PUM3: variants seen among roughly 807,000 people sequenced by gnomAD.
The protein encoded by PUM3 is pumilio homolog 3.
PUM3 carries 91 observed loss-of-function variants against 84.0 expected under a neutral mutation model. The observed-to-expected ratio is 1.08, with a 90% CI of 0.91 to 1.29. The LOEUF (loss-of-function observed/expected upper bound fraction) is 1.29. PUM3 is among the 50% of genes most tolerant of loss of function. The probability of loss-of-function intolerance (pLI) is 0.00; values close to 1 mark genes in which losing one functional copy is unlikely to be tolerated. For missense variants in PUM3, 1,067 were observed against 767.5 expected (o/e 1.39, Z -4.61); for synonymous variants, 321 against 266.7 (o/e 1.20, Z -1.98).
chr9:2,814,788 T>G (rs536399817), intron 13 of PUM3, among the ~76,000 whole-genome samples: 15 of 152,336 alleles, frequency 9.8e-5, no homozygotes, highest in Non-Finnish European at 1.6e-4. Context: ...CCTTTAAAAA[T>G]TTGTTTTTTT....
intron 17 of PUM3, 27 bp downstream of exon 17, chr9:2,807,787 T>G (rs768556694): frequency 6.8e-7 from 1 of 1,463,468 alleles, no homozygotes; most frequent in African/African-American, 1.4e-5. Context: ...CAGGCCCTGC[T>G]CAGAGAAGGG....
At chr9:2,838,317 T>C in intron 2 of PUM3, 109 bp downstream of exon 2, 1 of 764,286 alleles carries the variant, frequency 1.3e-6, no homozygotes. Context: ...TACTTCTTCC[T>C]ACTATTTTAA....
chr9:2,819,892 A>C, intron 13 of PUM3, 126 bp downstream of exon 13: 1 of 533,166 alleles, frequency 1.9e-6, no homozygotes. Context: ...TTAACTTAAA[A>C]GTAAGCAAAA....
intron 13 of PUM3, among the ~76,000 whole-genome samples, chr9:2,816,478 C>A (rs1381329034): frequency 6.6e-6 from 1 of 152,182 alleles, no homozygotes; most frequent in African/African-American, 2.4e-5. Context: ...TTAACTGTAT[C>A]CTTCAAAATG....
intron 13 of PUM3, among the ~76,000 whole-genome samples, chr9:2,812,831 T>G (rs539483697): frequency 6.6e-6 from 1 of 152,222 alleles, no homozygotes; most frequent in Non-Finnish European, 1.5e-5. Context: ...CAGTATTTCT[T>G]GGGCCACTAT....
chr9:2,834,799 C>T (rs533827109), intron 3 of PUM3, among the ~76,000 whole-genome samples: 2 of 151,136 alleles, frequency 1.3e-5, no homozygotes, highest in South Asian at 2.1e-4. Context: ...TTTCCAAGTT[C>T]GCCACAAACA....
chr9:2,826,986 A>C (rs1198499679), intron 10 of PUM3, 87 bp downstream of exon 10: 1 of 989,094 alleles, frequency 1.0e-6, no homozygotes, highest in African/African-American at 1.7e-5. Context: ...AAATTTCCAC[A>C]AGACAACGTA....
intron 17 of PUM3, among the ~76,000 whole-genome samples, chr9:2,807,493 C>T (rs1821282498): frequency 6.9e-6 from 1 of 144,910 alleles, no homozygotes; most frequent in African/African-American, 2.6e-5. Flanking sequence ...GTCTCAGCTA[C>T]ACAGGAGGCT....
chr9:2,817,783 C>G (rs1392290975), intron 13 of PUM3, among the ~76,000 whole-genome samples: 1 of 152,096 alleles, frequency 6.6e-6, no homozygotes, highest in Admixed American at 6.5e-5. Flanking sequence ...TGGTGGGAGG[C>G]TGGATGTTCA....
chr9:2,831,554 T>G (rs1473054046), intron 5 of PUM3, among the ~76,000 whole-genome samples: 1 of 152,178 alleles, frequency 6.6e-6, no homozygotes, highest in Non-Finnish European at 1.5e-5. Context: ...GGTACAATAA[T>G]GACATTGAGG....
intron 1 of PUM3, among the ~76,000 whole-genome samples, chr9:2,843,341 A>G (rs372709501): frequency 2.0e-5 from 3 of 151,984 alleles, no homozygotes; most frequent in Non-Finnish European, 2.9e-5. Context: ...CCGTTTAAAG[A>G]TCACTTCTTC....
intron 13 of PUM3, among the ~76,000 whole-genome samples, chr9:2,818,373 T>G (rs1189729852): frequency 2.0e-5 from 3 of 152,152 alleles, no homozygotes; most frequent in Non-Finnish European, 4.4e-5. Flanking sequence ...CATAAGGAAT[T>G]AAAACTTTTT....
At chr9:2,827,239 T>C (rs1815847380) in intron 9 of PUM3, 88 bp from the exon 10 acceptor site, 1 of 827,444 alleles carries the variant, frequency 1.2e-6, no homozygotes, top group East Asian at 2.6e-5. Context: ...CCTAAAGTAA[T>C]CTAAACAAGT....
chr9:2,831,750 T>C (rs1442671863), intron 5 of PUM3, among the ~76,000 whole-genome samples: 1 of 152,186 alleles, frequency 6.6e-6, no homozygotes, highest in Non-Finnish European at 1.5e-5. Context: ...GATCTAAGAA[T>C]GTTTGGCTTT....
At chr9:2,821,914 A>C (rs1317671288) in intron 12 of PUM3, among the ~76,000 whole-genome samples, 2 of 152,214 alleles carry the variant, frequency 1.3e-5, no homozygotes, top group African/African-American at 4.8e-5. Flanking sequence ...ACACGATGAA[A>C]TATTACAGTC....
At chr9:2,824,977 G>A (rs1201937450) in intron 10 of PUM3, among the ~76,000 whole-genome samples, 162 bp from the exon 11 acceptor site, 1 of 152,192 alleles carries the variant, frequency 6.6e-6, no homozygotes, top group African/African-American at 2.4e-5. Context: ...AGAAACACGA[G>A]CTCTTTCTAG....
chr9:2,822,622 T>C (rs114466498), intron 12 of PUM3, among the ~76,000 whole-genome samples: 4,415 of 151,074 alleles, frequency 0.029, 187 homozygotes, highest in African/African-American at 0.095. Context: ...AACATTCTAG[T>C]TTTTACTCAT....
intron 8 of PUM3, 26 bp from the exon 9 acceptor site, chr9:2,828,804 C>A (rs770225450): frequency 2.6e-5 from 32 of 1,239,614 alleles, no homozygotes; most frequent in Admixed American, 7.2e-5. Context: ...ACAATCAAAC[C>A]CCTCTAAATT....
intron 2 of PUM3, 101 bp downstream of exon 2, chr9:2,838,325 T>G (rs1816182842): frequency 1.2e-6 from 1 of 802,048 alleles, no homozygotes; most frequent in Non-Finnish European, 2.2e-6. Context: ...CCTACTATTT[T>G]AATCCTAATC....
Sources: allele counts gnomAD v4.1 joint callset (sites outside exome capture counted in the v4.1 genomes callset), GRCh38; gene constraint gnomAD v4.1.1; transcripts MANE v1.5; gene names NCBI Gene and HGNC (gene_info 2026-07-23, HGNC 2026-07-21).